The following NRG1 variants were observed in gnomAD, a reference collection of about 807,000 sequenced individuals.
The protein encoded by NRG1 is neuregulin 1, also known as pro-neuregulin-1, membrane-bound isoform.
A neutral mutation model predicts 63.8 loss-of-function variants in NRG1; 18 were observed. The ratio of observed to expected loss-of-function variants is 0.28; its 90% CI spans 0.19 to 0.42. The LOEUF (loss-of-function observed/expected upper bound fraction) is 0.42, where lower values mean the gene tolerates loss of function less well. Ranked by LOEUF, NRG1 falls within the 10% of genes least tolerant of loss-of-function variation. NRG1 has a pLI of 1.00. For synonymous variants in NRG1, 302 were observed against 301.3 expected (o/e 1.00, Z -0.02); for missense variants, 762 against 814.7 (o/e 0.94, Z 0.79).
chr8:31,786,752 G>A (rs1306393908), intron 1 of NRG1, among the ~76,000 whole-genome samples: 3 of 152,164 alleles, frequency 2.0e-5, no homozygotes, highest in Non-Finnish European at 4.4e-5. Context: ...AAATGTGTAA[G>A]GTAAGGCATG....
chr8:31,755,574 A>G (rs1214920003), intron 1 of NRG1, among the ~76,000 whole-genome samples: 3 of 152,122 alleles, frequency 2.0e-5, no homozygotes, highest in African/African-American at 7.2e-5. Flanking sequence ...CACTGTGTTC[A>G]GGAAGTACTT....
At chr8:31,973,197 C>A (rs548485243) in intron 1 of NRG1, among the ~76,000 whole-genome samples, 1 of 152,130 alleles carries the variant, frequency 6.6e-6, no homozygotes, top group African/African-American at 2.4e-5. Context: ...ATACATATAC[C>A]ATCATATACT....
intron 1 of NRG1, among the ~76,000 whole-genome samples, chr8:32,236,650 A>C (rs1847590950): frequency 6.6e-6 from 1 of 152,030 alleles, no homozygotes; most frequent in Non-Finnish European, 1.5e-5. Context: ...CTCGTTGCTC[A>C]AAAAAAAGAA....
At chr8:32,644,594 A>G (rs1170512041) in intron 5 of NRG1, among the ~76,000 whole-genome samples, 1 of 152,212 alleles carries the variant, frequency 6.6e-6, no homozygotes, top group Non-Finnish European at 1.5e-5. Context: ...CTGTCTGCAG[A>G]TTAGTCTTAG....
chr8:31,869,556 T>C (rs1390145203), intron 1 of NRG1, among the ~76,000 whole-genome samples: 2 of 152,218 alleles, frequency 1.3e-5, no homozygotes, highest in East Asian at 3.8e-4. Context: ...CTTTGTTATC[T>C]ACTCCATGGT....
chr8:32,445,593 A>C (rs1257672949), intron 1 of NRG1, among the ~76,000 whole-genome samples: 1 of 152,186 alleles, frequency 6.6e-6, no homozygotes, highest in Non-Finnish European at 1.5e-5. Context: ...GACATTAACC[A>C]AAAAAACAAA....
intron 1 of NRG1, among the ~76,000 whole-genome samples, chr8:31,935,013 A>G (rs1347464126): frequency 6.6e-6 from 1 of 152,034 alleles, no homozygotes; most frequent in East Asian, 1.9e-4. Flanking sequence ...GTGCAGTGGT[A>G]TGATACAGCT....
intron 1 of NRG1, among the ~76,000 whole-genome samples, chr8:31,863,841 C>T (rs947478335): frequency 6.6e-6 from 1 of 152,132 alleles, no homozygotes; most frequent in African/African-American, 2.4e-5. Flanking sequence ...TTATACTGGG[C>T]GCTCTCATAG....
rs537037363 is a variant in NRG1 at position 32,655,019 on chromosome 8, G to GATA, written c.502+38147_502+38149dup. Among the ~76,000 whole-genome samples the GATA allele has an allele frequency of 3.9e-3, 595 of 152,038 alleles. 8 individuals are homozygous for GATA. The highest frequency in any genetic ancestry group is 0.014 in the African/African-American group (575 of 41,464). ...TAAATCTGTTTCCTCATTTAAATGT[G>GATA]ATAATAATAATAATATACATGTCTT... On this transcript the variant is annotated intron_variant, in intron 5 of 11. Transcript: ENST00000356819.
At chr8:32,469,768 TAA>T (rs1213655775) in intron 1 of NRG1, among the ~76,000 whole-genome samples, 2 of 152,158 alleles carry the variant, frequency 1.3e-5, no homozygotes, top group African/African-American at 2.4e-5. Context: ...CCGAGAATCC[TAA>T]GAGAGGATGA....
intron 5 of NRG1, chr8:32,647,277 C>T (rs2129546756): frequency 1.1e-5 from 11 of 985,406 alleles, no homozygotes; most frequent in Non-Finnish European, 1.3e-5. Flanking sequence ...GCTGGTCCTC[C>T]TTCTGCTTTT....
intron 1 of NRG1, among the ~76,000 whole-genome samples, chr8:32,444,702 C>G (rs927547974): frequency 2.0e-5 from 3 of 152,164 alleles, no homozygotes; most frequent in African/African-American, 7.2e-5. Context: ...TGAGGAACAG[C>G]ATTCTTTCCT....
intron 1 of NRG1, among the ~76,000 whole-genome samples, chr8:31,948,896 G>C (rs924905229): frequency 4.6e-5 from 7 of 152,096 alleles, no homozygotes; most frequent in Admixed American, 2.6e-4. Context: ...GCCTCTCCTG[G>C]TTAATTCAGA....
chr8:31,865,688 C>T (rs912219896), intron 1 of NRG1, among the ~76,000 whole-genome samples: 6 of 152,214 alleles, frequency 3.9e-5, no homozygotes, highest in Non-Finnish European at 8.8e-5. Context: ...CCTTCTGCCA[C>T]AATTGTAAGT....
At chr8:32,316,606 T>A (rs1390137915) in intron 1 of NRG1, among the ~76,000 whole-genome samples, 7 of 152,072 alleles carry the variant, frequency 4.6e-5, no homozygotes, top group Admixed American at 4.6e-4. Flanking sequence ...AGCTCCCTTC[T>A]CCTTTTCATA....
intron 1 of NRG1, among the ~76,000 whole-genome samples, chr8:32,501,027 G>A (rs1827795926): frequency 6.6e-6 from 1 of 152,192 alleles, no homozygotes; most frequent in South Asian, 2.1e-4. Flanking sequence ...CAGAGTACCT[G>A]CCAAGGTTTT....
chr8:32,640,295 G>A (rs1285936555), intron 5 of NRG1, among the ~76,000 whole-genome samples: 2 of 135,436 alleles, frequency 1.5e-5, no homozygotes, highest in African/African-American at 5.8e-5. Flanking sequence ...ACACCACACA[G>A]TAATTTAACA....
At chr8:31,652,868 T>C (rs376417688) in intron 1 of NRG1, among the ~76,000 whole-genome samples, 2 of 151,752 alleles carry the variant, frequency 1.3e-5, no homozygotes, top group African/African-American at 4.8e-5. Flanking sequence ...TCTTTTCTCT[T>C]TCTCTCTCTC....
In NRG1 at chr8:31,840,658, T is replaced by C. The variant is rs142363928; in HGVS notation, c.37+201227T>C. Reference sequence around the variant, plus strand: ...CTCAGATGGAAAATCACTAGTGCACTACACACACACGCACTCATGCTCAGA... The same window carrying C: ...CTCAGATGGAAAATCACTAGTGCACCACACACACACGCACTCATGCTCAGA... On this transcript the variant is annotated intron_variant, in intron 1 of 10. Transcript: ENST00000519301. 6.5e-4 allele frequency among the ~76,000 whole-genome samples: 99 copies of C among 152,252 alleles called. 1 individual carries two copies. In the East Asian group the frequency reaches 0.017, roughly 26 times the overall value.
Sources: gnomAD v4.1 joint callset for allele counts (sites outside exome capture counted in the v4.1 genomes callset) on GRCh38, gnomAD v4.1.1 for gene constraint, MANE v1.5 for transcripts, NCBI Gene and HGNC (gene_info 2026-07-23, HGNC 2026-07-21) for gene names.